The following BLNK variants were observed in gnomAD, a reference collection of about 807,000 sequenced individuals.
The protein encoded by BLNK is B-cell linker protein.
BLNK carries 29 observed loss-of-function variants against 73.5 expected under a neutral mutation model. The ratio of observed to expected loss-of-function variants is 0.39; its 90% CI spans 0.29 to 0.54. The LOEUF is 0.54. Among genes scored for constraint, BLNK ranks in the 20% least tolerant of loss-of-function variants. BLNK has a pLI of 0.61. For missense variants in BLNK, 460 were observed against 562.8 expected (o/e 0.82, Z 1.85); for synonymous variants, 176 against 200.8 (o/e 0.88, Z 1.04).
intron 12 of BLNK, 141 bp from the exon 13 acceptor site, chr10:96,204,229 A>G (rs2133964374): frequency 1.1e-6 from 1 of 949,658 alleles, no homozygotes; most frequent in South Asian, 1.5e-5. Flanking sequence ...TCTAAAGATA[A>G]AAGAGCCACC....
At position 96,189,251 on chromosome 10, in the gene BLNK, C is replaced by T. The variant is rs1438780334; in HGVS notation, c.*2722G>A. Reference sequence around the variant, plus strand: ...TGGAACCTGGACAACATTTATTAAACACAGTAGGGAAAGTTCTCACTCTGC... The same window carrying T: ...TGGAACCTGGACAACATTTATTAAATACAGTAGGGAAAGTTCTCACTCTGC... On this transcript the variant is annotated 3_prime_UTR_variant, in exon 17 of 17. Transcript: ENST00000224337. 1 of 389,524 alleles carries T rather than the reference C, an allele frequency of 2.6e-6. No individual in the cohort carries two copies. 24.1% of individuals were successfully genotyped at this position (389,524 alleles called of 1,614,324 possible).
Position 96,191,814 on chromosome 10 carries a change from T to C in BLNK, c.*159A>G. ...AATAGAACAAGTCCACATGAGCTTC[T>C]TAAAAAGAAATGGATGACCACTTCA... On this transcript the variant is annotated 3_prime_UTR_variant, in exon 17 of 17. Transcript: ENST00000224337. 3.1e-6 allele frequency: 3 copies of C among 970,850 alleles called. No individual in the cohort carries two copies. The highest frequency in any genetic ancestry group is 4.7e-6 in the Non-Finnish European group (3 of 638,258). The allele number at this position is 970,850 out of a possible 1,614,324, so 60.1% of individuals were successfully genotyped here. A position where few individuals can be genotyped will look rare whatever the true frequency, so the allele number is the denominator to read the frequency against.
chr10:96,251,543 T>C (rs893481123), intron 1 of BLNK, among the ~76,000 whole-genome samples: 1 of 152,184 alleles, frequency 6.6e-6, no homozygotes. Flanking sequence ...AGATGGATAA[T>C]AAGGTCACAA....
intron 1 of BLNK, among the ~76,000 whole-genome samples, chr10:96,249,160 A>G (rs1405494763): frequency 1.3e-5 from 2 of 152,244 alleles, no homozygotes; most frequent in African/African-American, 2.4e-5. Flanking sequence ...TTGTTCTTGT[A>G]GGAAATGGTG....
At chr10:96,199,372 TG>T in intron 15 of BLNK, 4 of 280,790 alleles carry the variant, frequency 1.4e-5, no homozygotes, top group Admixed American at 7.7e-5. Flanking sequence ...TTTGTTTGTT[TG>T]TTTGCCATCT....
At chr10:96,247,106 A>G in intron 1 of BLNK, 57 bp from the exon 2 acceptor site, 6 of 1,254,286 alleles carry the variant, frequency 4.8e-6, no homozygotes, top group Non-Finnish European at 6.8e-6. Flanking sequence ...TTTTTAAAAA[A>G]AGTCTCCTAC....
chr10:96,219,541 T>C lies in BLNK; in HGVS notation c.526-2807A>G, dbSNP rs142645043. ...CTTGGCAATGATGCCTGAATGGATA[T>C]AGGGAAGTTGGAAGCTCCAGGCCCT... On this transcript the variant is annotated intron_variant, in intron 6 of 16. Transcript: ENST00000224337. Among the ~76,000 whole-genome samples the C allele has an allele frequency of 3.3e-3, 507 of 152,324 alleles. 3 individuals carry two copies. The highest frequency in any genetic ancestry group is 0.011 in the African/African-American group (463 of 41,578).
chr10:96,225,018 T>A (rs1454065348), intron 5 of BLNK, among the ~76,000 whole-genome samples: 1 of 152,168 alleles, frequency 6.6e-6, no homozygotes, highest in Non-Finnish European at 1.5e-5. Context: ...ATTTTTAAAA[T>A]GAGGATCGTA....
intron 3 of BLNK, among the ~76,000 whole-genome samples, chr10:96,238,344 G>A (rs184823585): frequency 1.1e-3 from 173 of 152,304 alleles, no homozygotes; most frequent in South Asian, 2.1e-3. Flanking sequence ...TGGCTTAGAG[G>A]GTTTTGGGAA....
chr10:96,266,386 A>G (rs1464350537), intron 1 of BLNK, among the ~76,000 whole-genome samples: 1 of 152,240 alleles, frequency 6.6e-6, no homozygotes, highest in Non-Finnish European at 1.5e-5. Context: ...ATGGTACACA[A>G]TCACTGGGTC....
At chr10:96,207,748 A>G in intron 10 of BLNK, 124 bp downstream of exon 10, 1 of 1,193,368 alleles carries the variant, frequency 8.4e-7, no homozygotes, top group Non-Finnish European at 1.2e-6. Context: ...CTGCTTGGGC[A>G]GCAACTTCAG....
At chr10:96,261,424 C>G (rs567734399) in intron 1 of BLNK, among the ~76,000 whole-genome samples, 1 of 152,144 alleles carries the variant, frequency 6.6e-6, no homozygotes, top group Non-Finnish European at 1.5e-5. Flanking sequence ...AATTTTAAAG[C>G]AGATTTTCAA....
intron 4 of BLNK, 51 bp downstream of exon 4, chr10:96,230,743 G>C: frequency 6.4e-7 from 1 of 1,571,184 alleles, no homozygotes; most frequent in Non-Finnish European, 8.7e-7. Flanking sequence ...ATCTTCAAAA[G>C]GCCTCCCATG....
intron 2 of BLNK, among the ~76,000 whole-genome samples, chr10:96,244,325 G>A (rs1457507205): frequency 1.3e-5 from 2 of 152,120 alleles, no homozygotes; most frequent in Non-Finnish European, 2.9e-5. Context: ...CAAACCACCT[G>A]TTATCCATTA....
Position 96,191,108 on chromosome 10 carries a change from A to C in BLNK, c.*865T>G, listed in dbSNP as rs1181485042. Among the ~76,000 whole-genome samples the C allele has an allele frequency of 6.6e-6, 1 of 152,148 alleles. No individual in the cohort carries two copies. The highest frequency in any genetic ancestry group is 1.5e-5 in the Non-Finnish European group (1 of 68,034). On this transcript the variant is annotated 3_prime_UTR_variant, in exon 17 of 17. Coordinates refer to ENST00000224337, the MANE Select transcript of BLNK (RefSeq NM_013314.4). ...TCTCATGAGATCTGATGGTTTTATA[A>C]AGGGCAGTTCCCCTGCACATGCTCT...
At chr10:96,238,937 T>C (rs2134069301) in intron 3 of BLNK, 1 of 392,976 alleles carries the variant, frequency 2.5e-6, no homozygotes, top group East Asian at 3.6e-5. Context: ...TCAGATCCCC[T>C]GGAGATCTTG....
chr10:96,258,198 G>A (rs76053466), intron 1 of BLNK, among the ~76,000 whole-genome samples: 3,041 of 152,260 alleles, frequency 0.02, 89 homozygotes, highest in African/African-American at 0.067. Context: ...GCTTCCTTCT[G>A]GGGAGTGAGC....
chr10:96,204,738 G>A, intron 11 of BLNK, 122 bp from the exon 12 acceptor site: 1 of 833,576 alleles, frequency 1.2e-6, no homozygotes, highest in Non-Finnish European at 2.0e-6. Flanking sequence ...ACATGTCTTA[G>A]TTACTGAGAT....
intron 1 of BLNK, among the ~76,000 whole-genome samples, chr10:96,267,031 C>A (rs1218576967): frequency 1.1e-4 from 17 of 152,230 alleles, no homozygotes; most frequent in Non-Finnish European, 2.5e-4. Context: ...CAGCTAGTAA[C>A]TGGCCATTAG....
Sources: allele counts gnomAD v4.1 joint callset (sites outside exome capture counted in the v4.1 genomes callset), GRCh38; gene constraint gnomAD v4.1.1; transcripts MANE v1.5; gene names NCBI Gene and HGNC (gene_info 2026-07-23, HGNC 2026-07-21).